LRRC37A2: variants seen among roughly 807,000 people sequenced by gnomAD.
The protein encoded by LRRC37A2 is leucine-rich repeat-containing protein 37A2.
A neutral mutation model predicts 68.8 loss-of-function variants in LRRC37A2; 9 were observed. That is an observed-to-expected ratio of 0.13 (90% CI 0.08 to 0.23). The LOEUF is 0.23. LRRC37A2 is among the 10% of genes least tolerant of loss of function. LRRC37A2 has a pLI of 1.00. For missense variants in LRRC37A2, 168 were observed against 950.4 expected, an observed-to-expected ratio of 0.18 and a Z score of 10.82; for synonymous variants, 63 against 367.6, an observed-to-expected ratio of 0.17 and a Z score of 9.48.
At chr17:46,807,609 C>T in the LRRC37A2 span, among the ~76,000 whole-genome samples, 2 of 152,210 alleles carry the variant, frequency 1.3e-5, no homozygotes, top group African/African-American at 2.4e-5. Flanking sequence ...TTCGCATGTG[C>T]CTTGCTTCTT....
the LRRC37A2 span, among the ~76,000 whole-genome samples, chr17:46,805,347 C>T: frequency 5.3e-5 from 8 of 152,118 alleles, no homozygotes; most frequent in East Asian, 3.9e-4. Context: ...TTGAGGTGGG[C>T]GGGTCACCTG....
the LRRC37A2 span, chr17:46,923,324 G>C: frequency 1.3e-6 from 2 of 1,539,120 alleles, no homozygotes; most frequent in African/African-American, 2.7e-5. Context: ...TAGAGGCCGA[G>C]TTTTTCCGCC....
chr17:46,598,968 A>G, the LRRC37A2 span, among the ~76,000 whole-genome samples: 2 of 129,614 alleles, frequency 1.5e-5, no homozygotes, highest in African/African-American at 6.1e-5. Flanking sequence ...TTTTAAAAGT[A>G]TCTTCAAATG....
the LRRC37A2 span, among the ~76,000 whole-genome samples, chr17:46,999,268 T>A: frequency 6.6e-6 from 1 of 152,346 alleles, no homozygotes; most frequent in East Asian, 1.9e-4. Context: ...GCAGCTTATT[T>A]ATTAAGAATG....
the LRRC37A2 span, among the ~76,000 whole-genome samples, chr17:46,865,596 C>T: frequency 6.6e-6 from 1 of 151,946 alleles, no homozygotes; most frequent in South Asian, 2.1e-4. Flanking sequence ...GTGGACTGGG[C>T]AAAAAGCTGA....
chr17:46,948,153 T>A, the LRRC37A2 span, among the ~76,000 whole-genome samples: 1 of 152,206 alleles, frequency 6.6e-6, no homozygotes, highest in African/African-American at 2.4e-5. Context: ...CTCTGCCCTT[T>A]AGCTGTGGAA....
At chr17:47,034,059 G>T in the LRRC37A2 span, among the ~76,000 whole-genome samples, 1 of 152,182 alleles carries the variant, frequency 6.6e-6, no homozygotes, top group African/African-American at 2.4e-5. Flanking sequence ...TCAAGGCTGG[G>T]CACACTGGCT....
chr17:46,918,091 GT>G, the LRRC37A2 span, among the ~76,000 whole-genome samples: 1 of 151,702 alleles, frequency 6.6e-6, no homozygotes, highest in African/African-American at 2.4e-5. Context: ...TTGTTTGTTT[GT>G]TTTTTGATAC....
chr17:46,743,844 A>G, the LRRC37A2 span, among the ~76,000 whole-genome samples: 1 of 151,936 alleles, frequency 6.6e-6, no homozygotes, highest in African/African-American at 2.4e-5. Context: ...TATATTAAAT[A>G]TTTCCCTTAG....
At chr17:46,961,704 T>C in the LRRC37A2 span, among the ~76,000 whole-genome samples, 5 of 152,152 alleles carry the variant, frequency 3.3e-5, no homozygotes, top group Non-Finnish European at 5.9e-5. Flanking sequence ...ACCTAAAATA[T>C]AACGACATAG....
At chr17:46,985,229 G>A in the LRRC37A2 span, among the ~76,000 whole-genome samples, 2 of 152,198 alleles carry the variant, frequency 1.3e-5, no homozygotes, top group African/African-American at 2.4e-5. Flanking sequence ...GAAGGCAGAG[G>A]GAAGTACCCA....
chr17:46,502,530 G>T, the LRRC37A2 span, among the ~76,000 whole-genome samples: 1 of 150,932 alleles, frequency 6.6e-6, no homozygotes, highest in South Asian at 2.1e-4. Flanking sequence ...TCGAACTCCT[G>T]ACCTCAGGCA....
the LRRC37A2 span, chr17:46,886,224 C>T: frequency 6.6e-5 from 10 of 152,272 alleles, no homozygotes; most frequent in East Asian, 1.9e-4. Context: ...CCACTTCATG[C>T]ACTAGTTGCA....
At chr17:46,768,205 T>C in the LRRC37A2 span, 1 of 1,520,246 alleles carries the variant, frequency 6.6e-7, no homozygotes, top group Non-Finnish European at 8.9e-7. This position sits in a 1 kb window ranked among gnomAD's most constrained non-coding sequence, Gnocchi z 5.0. Flanking sequence ...TTGTGTGTCT[T>C]GGATAGCTTA....
the LRRC37A2 span, among the ~76,000 whole-genome samples, chr17:46,589,088 G>T: frequency 3.1e-5 from 3 of 96,228 alleles, no homozygotes; most frequent in South Asian, 1.2e-3. Flanking sequence ...TGGGCTCAGA[G>T]AGATGAAGGT....
the LRRC37A2 span, among the ~76,000 whole-genome samples, chr17:46,815,462 T>TG: frequency 5.9e-5 from 9 of 151,802 alleles, no homozygotes; most frequent in Non-Finnish European, 1.3e-4. Context: ...AAATCCTTCC[T>TG]GGGGAATGCA....
chr17:46,718,161 G>GT, the LRRC37A2 span, among the ~76,000 whole-genome samples: 1 of 152,180 alleles, frequency 6.6e-6, no homozygotes, highest in African/African-American at 2.4e-5. Flanking sequence ...GCTGGTTCCG[G>GT]TCTCCAGAGA....
At chr17:46,573,017 G>A in the LRRC37A2 span, among the ~76,000 whole-genome samples, 1 of 31,198 alleles carries the variant, frequency 3.2e-5, no homozygotes, top group East Asian at 4.4e-4. Flanking sequence ...AAGGGAGGAA[G>A]GGAGGAAAGG....
At chr17:46,551,207 TA>T (rs1322515713) in intron 11 of LRRC37A2, among the ~76,000 whole-genome samples, 6 of 149,260 alleles carry the variant, frequency 4.0e-5, no homozygotes, top group South Asian at 4.1e-4. Flanking sequence ...TCAACTTACC[TA>T]AAGCCTACAT....
Sources: gnomAD v4.1 joint callset for allele counts (sites outside exome capture counted in the v4.1 genomes callset) on GRCh38, gnomAD v4.1.1 for gene constraint, Gnocchi (gnomAD v3.1) non-coding constraint, MANE v1.5 for transcripts, NCBI Gene and HGNC (gene_info 2026-07-23, HGNC 2026-07-21) for gene names.